GPC5: variants seen among roughly 807,000 people sequenced by gnomAD.
The protein encoded by GPC5 is glypican 5.
A neutral mutation model predicts 53.9 loss-of-function variants in GPC5; 47 were observed. That is an observed-to-expected ratio of 0.87 (90% confidence interval 0.69 to 1.11). GPC5 has a LOEUF of 1.11. GPC5 is among the 50% of genes most tolerant of loss of function. The pLI is 0.00. For missense variants in GPC5, 748 were observed against 713.1 expected (o/e 1.05, Z -0.56); for synonymous variants, 286 against 263.3 (o/e 1.09, Z -0.84).
chr13:91,757,613 G>A lies in GPC5; in HGVS notation c.1280+1193G>A, dbSNP rs550057927. Among the ~76,000 whole-genome samples, 11 of 152,206 alleles carry A rather than the reference G, an allele frequency of 7.2e-5. No homozygotes were observed. The South Asian group carries it at 2.3e-3, about 32-fold the overall frequency. Reference sequence around the variant, plus strand: ...CTGTGCACATATACTTCTCTTTGCTGCTGCCATGTGAAGAAGGACGTATTT... The same window carrying A: ...CTGTGCACATATACTTCTCTTTGCTACTGCCATGTGAAGAAGGACGTATTT... On this transcript the variant is annotated intron_variant, in intron 5 of 7. Coordinates refer to ENST00000377067, the MANE Select transcript of GPC5 (RefSeq NM_004466.6).
intron 7 of GPC5, among the ~76,000 whole-genome samples, chr13:92,833,561 AT>A (rs1485822557): frequency 6.6e-6 from 1 of 152,200 alleles, no homozygotes; most frequent in African/African-American, 2.4e-5. Flanking sequence ...AAATATGGCA[AT>A]AAAAAGATAC....
chr13:91,847,600 A>G (rs2038866682), intron 5 of GPC5, among the ~76,000 whole-genome samples: 3 of 152,204 alleles, frequency 2.0e-5, no homozygotes, highest in Non-Finnish European at 4.4e-5. Flanking sequence ...TAACCTAAGA[A>G]TAAGAAGTAA....
At chr13:92,429,161 ATAAAAT>A (rs918489439) in intron 7 of GPC5, among the ~76,000 whole-genome samples, 2 of 152,114 alleles carry the variant, frequency 1.3e-5, no homozygotes, top group African/African-American at 2.4e-5. Flanking sequence ...TATTAATGGG[ATAAAAT>A]TAAAATTAAA....
At chr13:91,435,793 T>A (rs895801228) in intron 1 of GPC5, among the ~76,000 whole-genome samples, 1 of 152,240 alleles carries the variant, frequency 6.6e-6, no homozygotes, top group Admixed American at 6.5e-5. Flanking sequence ...TCTGATAGAA[T>A]TTGGCTGTGA....
chr13:92,855,356 A>C (rs890345012), intron 7 of GPC5, among the ~76,000 whole-genome samples: 2 of 152,054 alleles, frequency 1.3e-5, no homozygotes, highest in Non-Finnish European at 2.9e-5. Flanking sequence ...ATTTGTGTGA[A>C]TATAACATAA....
At chr13:92,369,404 C>T (rs2043632636) in intron 7 of GPC5, among the ~76,000 whole-genome samples, 1 of 152,190 alleles carries the variant, frequency 6.6e-6, no homozygotes, top group Admixed American at 6.5e-5. Context: ...TCTTGAACTC[C>T]TGGCCTCAAG....
At chr13:91,755,075 C>T (rs944954831) in intron 4 of GPC5, among the ~76,000 whole-genome samples, 4 of 151,846 alleles carry the variant, frequency 2.6e-5, no homozygotes, top group Admixed American at 6.6e-5. Flanking sequence ...ATTTAAAAAC[C>T]GATAGGTTTG....
rs71272284 is a variant in GPC5 at position 92,692,754 on chromosome 13, A to ATTTTTTTTTT, written c.1562-173515_1562-173506dup. Among the ~76,000 whole-genome samples, 39 of 81,034 alleles carry ATTTTTTTTTT rather than the reference A, an allele frequency of 4.8e-4. 3 individuals are homozygous for ATTTTTTTTTT. Among genetic ancestry groups the ATTTTTTTTTT allele is most frequent in the East Asian group, 3.4e-3 (4 of 1,186 alleles). 53.2% of individuals were successfully genotyped at this position (81,034 alleles called of 152,430 possible). A position where few individuals can be genotyped will look rare whatever the true frequency, so the allele number is the denominator to read the frequency against. ...CTCCAAAGCCTCACCAATATCGGCT[A>ATTTTTTTTTT]TTTTTTTTTTTTTTTTTTTTTTACA... is the stretch of plus-strand genomic sequence containing the variant. On this transcript the variant is annotated intron_variant, in intron 7 of 7. Transcript: ENST00000377067.
chr13:91,919,116 T>G (rs1317988401), intron 6 of GPC5, among the ~76,000 whole-genome samples: 1 of 152,212 alleles, frequency 6.6e-6, no homozygotes, highest in African/African-American at 2.4e-5. Context: ...TTCTTGGGTG[T>G]CATCTTTAAT....
intron 5 of GPC5, among the ~76,000 whole-genome samples, chr13:91,880,015 CCTTCTTATAA>C: frequency 6.6e-6 from 1 of 152,060 alleles, no homozygotes; most frequent in African/African-American, 2.4e-5. Context: ...AAAGGAAGCC[CCTTCTTATAA>C]CTTTATACAT....
intron 7 of GPC5, among the ~76,000 whole-genome samples, chr13:92,350,865 A>G (rs959871746): frequency 1.3e-5 from 2 of 152,172 alleles, no homozygotes; most frequent in African/African-American, 2.4e-5. Flanking sequence ...TAGAGAGACA[A>G]TAAGTCACTT....
chr13:92,184,111 G>A (rs1010743616), intron 7 of GPC5, among the ~76,000 whole-genome samples: 6 of 151,816 alleles, frequency 4.0e-5, no homozygotes, highest in African/African-American at 1.2e-4. Context: ...TGCTTATGGT[G>A]TATTATTTAT....
At chr13:92,550,141 A>T (rs1474024742) in intron 7 of GPC5, among the ~76,000 whole-genome samples, 1 of 151,852 alleles carries the variant, frequency 6.6e-6, no homozygotes, top group Non-Finnish European at 1.5e-5. Context: ...ATGTAATTTG[A>T]TTCCATTTAT....
intron 7 of GPC5, among the ~76,000 whole-genome samples, chr13:92,162,394 T>C (rs886356696): frequency 2.6e-5 from 4 of 152,098 alleles, no homozygotes; most frequent in African/African-American, 9.7e-5. Flanking sequence ...AGAAGAGTAA[T>C]CAGGGAAAAT....
intron 6 of GPC5, among the ~76,000 whole-genome samples, chr13:92,094,348 C>T (rs1339855910): frequency 1.3e-5 from 2 of 151,674 alleles, no homozygotes; most frequent in Non-Finnish European, 2.9e-5. Context: ...AACCATGTCT[C>T]TACTAAAAAT....
At chr13:91,559,760 T>C (rs546944487) in intron 2 of GPC5, among the ~76,000 whole-genome samples, 71 of 152,178 alleles carry the variant, frequency 4.7e-4, no homozygotes, top group African/African-American at 1.4e-3. Context: ...GAGCAGGGGC[T>C]TTGAAAATGG....
intron 7 of GPC5, among the ~76,000 whole-genome samples, chr13:92,830,346 C>T (rs1196286373): frequency 2.0e-5 from 3 of 152,048 alleles, no homozygotes; most frequent in Non-Finnish European, 4.4e-5. Context: ...TTACAATATG[C>T]TTTTACATTT....
intron 7 of GPC5, among the ~76,000 whole-genome samples, chr13:92,668,890 G>T (rs1886658493): frequency 6.6e-6 from 1 of 151,968 alleles, no homozygotes; most frequent in African/African-American, 2.4e-5. Flanking sequence ...GAAAACAAAT[G>T]AAAAGATTAA....
chr13:92,355,274 T>C (rs549864552), intron 7 of GPC5, among the ~76,000 whole-genome samples: 5 of 151,502 alleles, frequency 3.3e-5, no homozygotes, highest in Non-Finnish European at 1.5e-5. Context: ...ATGAAGAAAA[T>C]AGTTTATATA....
Sources: allele counts gnomAD v4.1 joint callset (sites outside exome capture counted in the v4.1 genomes callset), GRCh38; gene constraint gnomAD v4.1.1; transcripts MANE v1.5; gene names NCBI Gene and HGNC (gene_info 2026-07-23, HGNC 2026-07-21).